Variants in CTNNA2 observed in about 807,000 individuals in gnomAD.
CTNNA2 encodes the protein catenin alpha-2.
A neutral mutation model predicts 101.0 loss-of-function variants in CTNNA2; 42 were observed. That is an observed-to-expected ratio of 0.42 (90% CI 0.32 to 0.54). CTNNA2 has a LOEUF of 0.54. Ranked by LOEUF, CTNNA2 falls within the 20% of genes least tolerant of loss-of-function variation. The probability of loss-of-function intolerance (pLI) is 0.14; values close to 1 mark genes in which losing one functional copy is unlikely to be tolerated. For missense variants in CTNNA2, 871 were observed against 1,223.1 expected (o/e 0.71, Z 4.29); for synonymous variants, 450 against 456.4 (o/e 0.99, Z 0.18).
At chr2:80,443,397 T>C (rs778769961) in intron 9 of CTNNA2, among the ~76,000 whole-genome samples, 8 of 152,240 alleles carry the variant, frequency 5.3e-5, no homozygotes, top group Admixed American at 2.0e-4. Flanking sequence ...CAAATATTTA[T>C]TGAGCACTGT....
intron 1 of CTNNA2, among the ~76,000 whole-genome samples, chr2:79,645,486 T>G (rs758695134): frequency 1.7e-4 from 26 of 152,122 alleles, no homozygotes; most frequent in South Asian, 6.2e-4. Flanking sequence ...TTAAAGAAAA[T>G]AAATGCAAAA....
In CTNNA2 at chr2:79,818,897, A is replaced by G. The variant is rs924318277; in HGVS notation, c.299-39116A>G. ...TAAACTCAAGCAAAGCACTAATAGC[A>G]CACACACACACACACACACACACAT... On this transcript the variant is annotated intron_variant, in intron 3 of 18. Coordinates refer to ENST00000402739, the MANE Select transcript of CTNNA2 (RefSeq NM_001282597.3). 1.6e-3 allele frequency among the ~76,000 whole-genome samples: 97 copies of G among 60,066 alleles called. 1 individual carries two copies. Among genetic ancestry groups the G allele is most frequent in the African/African-American group, 6.2e-3 (88 of 14,296 alleles). 39.4% of individuals were successfully genotyped at this position (60,066 alleles called of 152,430 possible).
intron 4 of CTNNA2, among the ~76,000 whole-genome samples, chr2:79,381,829 T>C (rs1678042174): frequency 6.6e-6 from 1 of 152,194 alleles, no homozygotes. Flanking sequence ...ACTGGAGTTG[T>C]CTCATTATGA....
rs1007186458 is a variant in CTNNA2, at chr2:80,563,773, A to C, written c.1741+7880A>C. On this transcript the variant is annotated intron_variant, in intron 12 of 18. Coordinates refer to ENST00000402739, the MANE Select transcript of CTNNA2 (RefSeq NM_001282597.3). ...CTTTCTAACCAGACCAGAGAAGCCC[A>C]CTCTTCGGTGTACCTGTTACTCTTA... Among the ~76,000 whole-genome samples, 4 of 151,806 alleles carry C rather than the reference A, an allele frequency of 2.6e-5. No homozygotes were observed. The South Asian group carries it at 8.4e-4, about 32-fold the overall frequency.
intron 1 of CTNNA2, among the ~76,000 whole-genome samples, chr2:79,565,010 A>T (rs982665440): frequency 6.6e-6 from 1 of 152,140 alleles, no homozygotes; most frequent in African/African-American, 2.4e-5. Context: ...ATCATAAAGG[A>T]TATAACAGAA....
chr2:80,523,994 C>T (rs547414512), intron 9 of CTNNA2, among the ~76,000 whole-genome samples: 1 of 152,232 alleles, frequency 6.6e-6, no homozygotes, highest in East Asian at 1.9e-4. Context: ...AAAAGCATAG[C>T]ATAAGACTTT....
chr2:80,204,304 T>C (rs1455387363), intron 7 of CTNNA2, among the ~76,000 whole-genome samples: 1 of 152,242 alleles, frequency 6.6e-6, no homozygotes, highest in Non-Finnish European at 1.5e-5. Flanking sequence ...GTTGTCAGGC[T>C]GCAAACTTCC....
intron 7 of CTNNA2, among the ~76,000 whole-genome samples, chr2:80,136,219 T>C (rs921851837): frequency 1.3e-5 from 2 of 152,120 alleles, no homozygotes; most frequent in Non-Finnish European, 2.9e-5. Flanking sequence ...TGCATAGGCC[T>C]GCGGAGGAGG....
intron 7 of CTNNA2, among the ~76,000 whole-genome samples, chr2:80,384,865 C>A (rs78783595): frequency 6.6e-6 from 1 of 151,992 alleles, no homozygotes; most frequent in Non-Finnish European, 1.5e-5. Context: ...CCAGTTACTG[C>A]GGCTTAGTAT....
intron 4 of CTNNA2, among the ~76,000 whole-genome samples, chr2:79,393,060 G>T (rs1225494178): frequency 6.6e-6 from 1 of 152,138 alleles, no homozygotes; most frequent in Non-Finnish European, 1.5e-5. Flanking sequence ...TTTGGATAAG[G>T]ATATGATCAA....
chr2:79,218,241 A>T (rs1021102852), intron 2 of CTNNA2, among the ~76,000 whole-genome samples: 4 of 152,116 alleles, frequency 2.6e-5, no homozygotes, highest in African/African-American at 9.7e-5. Flanking sequence ...AAGTGGAGAG[A>T]CAGAAGCACA....
intron 3 of CTNNA2, among the ~76,000 whole-genome samples, chr2:79,843,407 T>G (rs1010421109): frequency 9.9e-5 from 15 of 152,242 alleles, no homozygotes; most frequent in Non-Finnish European, 2.1e-4. Flanking sequence ...TTCTTTTCTA[T>G]GTTAATATAG....
At chr2:80,002,878 C>A (rs1248249755) in intron 7 of CTNNA2, among the ~76,000 whole-genome samples, 1 of 152,176 alleles carries the variant, frequency 6.6e-6, no homozygotes, top group Non-Finnish European at 1.5e-5. Flanking sequence ...TTCCCTCCCT[C>A]CCTTTATTTC....
chr2:79,958,009 T>A (rs916698352), intron 7 of CTNNA2, among the ~76,000 whole-genome samples: 20 of 152,216 alleles, frequency 1.3e-4, no homozygotes, highest in African/African-American at 4.3e-4. Context: ...TCAGTCAAAA[T>A]TACTTCAAAT....
chr2:79,382,113 A>G (rs1311247112), intron 4 of CTNNA2, among the ~76,000 whole-genome samples: 1 of 152,080 alleles, frequency 6.6e-6, no homozygotes, highest in Non-Finnish European at 1.5e-5. Context: ...CCCAAGTAGA[A>G]CAAAAAGGTG....
intron 14 of CTNNA2, among the ~76,000 whole-genome samples, chr2:80,588,092 T>C (rs1316404512): frequency 1.3e-5 from 2 of 152,354 alleles, no homozygotes; most frequent in Admixed American, 6.5e-5. Flanking sequence ...TAAGTAACTA[T>C]GTTTAATGGG....
At chr2:80,417,943 G>A (rs1680184870) in intron 8 of CTNNA2, among the ~76,000 whole-genome samples, 1 of 152,094 alleles carries the variant, frequency 6.6e-6, no homozygotes, top group Non-Finnish European at 1.5e-5. Context: ...TCTCACTTCT[G>A]TTATTTTTGT....
rs76625120 is a variant in CTNNA2 at position 79,855,739 on chromosome 2, G to A, written c.299-2274G>A. Among the ~76,000 whole-genome samples, 328 of 152,068 alleles carry A rather than the reference G, an allele frequency of 2.2e-3. 1 individual carries two copies. The highest frequency in any genetic ancestry group is 7.5e-3 in the African/African-American group (313 of 41,476). Reference sequence around the variant, plus strand: ...ATCAACCATGTAGCTACCTGGGTTCGTGTGCAGAATAAATCCCCCTTTCCC... The same window carrying A: ...ATCAACCATGTAGCTACCTGGGTTCATGTGCAGAATAAATCCCCCTTTCCC... On this transcript the variant is annotated intron_variant, in intron 3 of 18. Coordinates refer to ENST00000402739, the MANE Select transcript of CTNNA2 (RefSeq NM_001282597.3).
At chr2:79,559,703 G>T (rs971381831) in intron 1 of CTNNA2, among the ~76,000 whole-genome samples, 6 of 151,822 alleles carry the variant, frequency 4.0e-5, no homozygotes, top group Non-Finnish European at 8.8e-5. Flanking sequence ...TTGAACACTA[G>T]TAGTTCTATC....
Sources: gnomAD v4.1 joint callset for allele counts (sites outside exome capture counted in the v4.1 genomes callset) on GRCh38, gnomAD v4.1.1 for gene constraint, MANE v1.5 for transcripts, NCBI Gene and HGNC (gene_info 2026-07-23, HGNC 2026-07-21) for gene names.